Variants in COBL observed in about 807,000 individuals in gnomAD.
COBL encodes cordon-bleu WH2 repeat protein, also known as protein cordon-bleu.
A neutral mutation model predicts 98.8 loss-of-function variants in COBL; 51 were observed. The observed-to-expected ratio is 0.52, with a 90% CI of 0.41 to 0.65. The LOEUF is 0.65. Among genes scored for constraint, COBL ranks in the 30% least tolerant of loss-of-function variants. The pLI is 0.00. For synonymous variants in COBL, 634 were observed against 651.7 expected (o/e 0.97, Z 0.41); for missense variants, 1,617 against 1,617.5 (o/e 1.00, Z 0.01).
chr7:51,026,410 A>C, intron 11 of COBL, 136 bp downstream of exon 11: 143 of 1,137,668 alleles, frequency 1.3e-4, no homozygotes, highest in Non-Finnish European at 1.7e-4. Context: ...ACAGGCTGGG[A>C]TGGCCACTCT....
At chr7:51,097,727 A>T (rs574641374) in intron 6 of COBL, among the ~76,000 whole-genome samples, 1 of 152,126 alleles carries the variant, frequency 6.6e-6, no homozygotes, top group Non-Finnish European at 1.5e-5. Context: ...AAATACTTAG[A>T]AATAAGCTTA....
At chr7:51,257,708 C>A (rs558107916) in intron 1 of COBL, among the ~76,000 whole-genome samples, 22 of 151,936 alleles carry the variant, frequency 1.4e-4, no homozygotes, top group African/African-American at 5.3e-4. Context: ...AGTTAAAATT[C>A]TGTTTTCTAA....
intron 6 of COBL, among the ~76,000 whole-genome samples, chr7:51,121,144 C>T (rs970161378): frequency 3.9e-5 from 6 of 152,220 alleles, no homozygotes; most frequent in African/African-American, 1.4e-4. Flanking sequence ...CAACAATGCA[C>T]AAGGGTTCCA....
chr7:51,259,322 G>A (rs11975633), intron 1 of COBL: 3,626 of 192,162 alleles, frequency 0.019, 149 homozygotes, highest in African/African-American at 0.081. Context: ...CCAATCTCAC[G>A]GTTACTAATA....
Position 51,030,995 on chromosome 7 carries a change from C to T in COBL, c.1407-86G>A, listed in dbSNP as rs375297377. ...TTTCCAGGAATATCTGAGGATAGAACAGCTCATACTCAAATTCAAGCAGTC... is the reference window on the plus strand; with the variant it reads ...TTTCCAGGAATATCTGAGGATAGAATAGCTCATACTCAAATTCAAGCAGTC... On this transcript the variant is annotated intron_variant, in intron 8 of 12. Coordinates refer to ENST00000265136, the MANE Select transcript of COBL (RefSeq NM_015198.5). 3.0e-5 allele frequency: 28 copies of T among 921,976 alleles called. No homozygotes were observed. The African/African-American group carries it at 3.6e-4, about 12-fold the overall frequency. The allele number at this position is 921,976 out of a possible 1,614,324, so 57.1% of individuals were successfully genotyped here.
intron 7 of COBL, chr7:51,073,147 C>T: frequency 2.5e-6 from 1 of 396,030 alleles, no homozygotes; most frequent in Non-Finnish European, 4.5e-6. Flanking sequence ...ATATAATTTA[C>T]CTCCTTCAAA....
intron 1 of COBL, among the ~76,000 whole-genome samples, chr7:51,254,452 A>G (rs1302062249): frequency 6.6e-6 from 1 of 152,226 alleles, no homozygotes; most frequent in Admixed American, 6.5e-5. Context: ...AACTACTTTC[A>G]ACATCAAATC....
chr7:51,255,469 C>T (rs1347841531), intron 1 of COBL, among the ~76,000 whole-genome samples: 1 of 152,194 alleles, frequency 6.6e-6, no homozygotes, highest in East Asian at 1.9e-4. Flanking sequence ...TGCAGTGAGA[C>T]CAGTTGTCTT....
At chr7:51,068,038 G>A (rs1027942354) in intron 7 of COBL, among the ~76,000 whole-genome samples, 2 of 152,208 alleles carry the variant, frequency 1.3e-5, no homozygotes, top group African/African-American at 4.8e-5. Flanking sequence ...GCCCCAGCCT[G>A]GCAGCTGGGC....
intron 4 of COBL, 79 bp downstream of exon 4, chr7:51,190,771 G>T: frequency 1.7e-6 from 2 of 1,169,190 alleles, no homozygotes; most frequent in Non-Finnish European, 2.5e-6. Flanking sequence ...AGAGTGCTGG[G>T]GAGAGCCAAC....
At chr7:51,293,949 T>C (rs315098) in intron 1 of COBL, among the ~76,000 whole-genome samples, 83,437 of 151,756 alleles carry the variant, frequency 0.55, 23,342 homozygotes, top group African/African-American at 0.65. Context: ...AGTATATAAG[T>C]GACAGGCACT....
intron 1 of COBL, among the ~76,000 whole-genome samples, chr7:51,310,492 C>A (rs946120314): frequency 3.9e-5 from 6 of 152,208 alleles, no homozygotes; most frequent in African/African-American, 1.4e-4. Flanking sequence ...TGGCCCTCGG[C>A]AGCCTCTGTC....
intron 1 of COBL, among the ~76,000 whole-genome samples, chr7:51,258,066 T>C (rs1797361983): frequency 6.6e-6 from 1 of 152,244 alleles, no homozygotes; most frequent in Non-Finnish European, 1.5e-5. Context: ...AGAAATAAGG[T>C]AGCTCTTTTC....
At chr7:51,127,869 T>C (rs962125386) in intron 6 of COBL, among the ~76,000 whole-genome samples, 2 of 152,196 alleles carry the variant, frequency 1.3e-5, no homozygotes, top group African/African-American at 4.8e-5. Flanking sequence ...ATACCACTCA[T>C]TGTTCTTGAC....
intron 8 of COBL, among the ~76,000 whole-genome samples, chr7:51,036,558 C>T (rs550369765): frequency 6.6e-6 from 1 of 152,188 alleles, no homozygotes; most frequent in South Asian, 2.1e-4. Context: ...GCACCTCTCA[C>T]TACAGGCCCT....
Position 51,263,742 on chromosome 7 carries a change from C to G in COBL, c.42-43798G>C, listed in dbSNP as rs552700242. The stretch of plus-strand genomic sequence containing the variant: ...CCCAGCAAGGCCTGGGAGACAGAAC[C>G]AGCCAGACTGGTTTTATTGGATTGT... On this transcript the variant is annotated intron_variant, in intron 1 of 12. Coordinates refer to ENST00000265136, the MANE Select transcript of COBL (RefSeq NM_015198.5). 5.3e-5 allele frequency among the ~76,000 whole-genome samples: 8 copies of G among 152,280 alleles called. No homozygotes were observed. In the South Asian group the frequency reaches 1.7e-3, roughly 32 times the overall value.
intron 6 of COBL, among the ~76,000 whole-genome samples, chr7:51,101,149 A>AAATAC (rs1795771598): frequency 6.6e-6 from 1 of 152,212 alleles, no homozygotes; most frequent in African/African-American, 2.4e-5. Context: ...AATACCATGT[A>AAATAC]TTTCCCAGTC....
intron 6 of COBL, among the ~76,000 whole-genome samples, chr7:51,125,846 G>C (rs1480924604): frequency 6.6e-6 from 1 of 152,174 alleles, no homozygotes; most frequent in Non-Finnish European, 1.5e-5. Flanking sequence ...GGGGCACTGA[G>C]ACGTCACCCC....
chr7:51,079,930 C>T (rs1245290067), intron 7 of COBL, among the ~76,000 whole-genome samples: 1 of 152,256 alleles, frequency 6.6e-6, no homozygotes, highest in African/African-American at 2.4e-5. Flanking sequence ...CTCCATTTGG[C>T]CTTTGTTCCA....
Sources: gnomAD v4.1 joint callset for allele counts (sites outside exome capture counted in the v4.1 genomes callset) on GRCh38, gnomAD v4.1.1 for gene constraint, MANE v1.5 for transcripts, NCBI Gene and HGNC (gene_info 2026-07-23, HGNC 2026-07-21) for gene names.